Variants in CETN3 observed in about 807,000 individuals in gnomAD.
CETN3 encodes the protein centrin 3, also known as centrin-3.
In CETN3, 17 loss-of-function variants were observed where a neutral mutation model predicts 20.1. The observed-to-expected ratio is 0.85, with a 90% confidence interval of 0.58 to 1.27. The LOEUF (loss-of-function observed/expected upper bound fraction) is 1.27, where lower values mean the gene tolerates loss of function less well. CETN3 is among the 50% of genes most tolerant of loss of function. The probability of loss-of-function intolerance (pLI) is 0.00; values close to 1 mark genes in which losing one functional copy is unlikely to be tolerated. For missense variants in CETN3, 169 were observed against 191.2 expected, an observed-to-expected ratio of 0.88 and a Z score of 0.69; for synonymous variants, 52 against 59.7, an observed-to-expected ratio of 0.87 and a Z score of 0.59.
Position 90,393,793 on chromosome 5 carries a change from TAAAAAACCTTC to T in CETN3, c.*260_*270del, listed in dbSNP as rs1749073006. On this transcript the variant is annotated 3_prime_UTR_variant, in exon 5 of 5. Coordinates refer to ENST00000283122, the MANE Select transcript of CETN3 (RefSeq NM_004365.4). ...TAAAAAGTGACTATAAATGTTAAATTAAAAAACCTTCAAAGAACACATATCACACATTCAAT... is the reference window on the plus strand; with the variant it reads ...TAAAAAGTGACTATAAATGTTAAATTAAAGAACACATATCACACATTCAAT... The T allele has an allele frequency of 4.2e-6, 1 of 235,594 alleles. No individual in the cohort carries two copies. The highest frequency in any genetic ancestry group is 1.7e-4 in the South Asian group (1 of 6,044). 14.6% of individuals were successfully genotyped at this position (235,594 alleles called of 1,614,324 possible). A position where few individuals can be genotyped will look rare whatever the true frequency, so the allele number is the denominator to read the frequency against.
chr5:90,396,374 T>C, intron 4 of CETN3: 1 of 1,392,664 alleles, frequency 7.2e-7, no homozygotes, highest in Non-Finnish European at 9.3e-7. Context: ...GTAGTGATCT[T>C]TAACCTTTGC....
At chr5:90,408,180 A>C (rs529736583) in intron 1 of CETN3, among the ~76,000 whole-genome samples, 1 of 152,314 alleles carries the variant, frequency 6.6e-6, no homozygotes, top group African/African-American at 2.4e-5. Context: ...CCAACCAAAA[A>C]AACAAAAACA....
chr5:90,408,420 C>T (rs895980597), intron 1 of CETN3, among the ~76,000 whole-genome samples: 1 of 152,080 alleles, frequency 6.6e-6, no homozygotes, highest in Non-Finnish European at 1.5e-5. Context: ...TCATTTCCTC[C>T]ATTGATATTA....
chr5:90,397,875 T>C (rs1749171502), intron 4 of CETN3, among the ~76,000 whole-genome samples: 1 of 152,258 alleles, frequency 6.6e-6, no homozygotes, highest in East Asian at 1.9e-4. Context: ...TAATACTATA[T>C]CTACTTTACA....
At chr5:90,399,573 T>C in intron 3 of CETN3, 24 bp from the exon 4 acceptor site, 1 of 1,562,626 alleles carries the variant, frequency 6.4e-7, no homozygotes, top group Non-Finnish European at 8.8e-7. Flanking sequence ...ACATATATAT[T>C]TTAATAAACC....
At chr5:90,396,174 G>A (rs1171268855) in intron 4 of CETN3, 1 of 985,122 alleles carries the variant, frequency 1.0e-6, no homozygotes, top group Non-Finnish European at 1.2e-6. Flanking sequence ...TACAGTCAAA[G>A]AAAGAATAGT....
In CETN3 at chr5:90,409,695, C is replaced by A; in HGVS notation, c.-34G>T. The A allele has an allele frequency of 6.2e-7, 1 of 1,614,038 alleles. No individual in the cohort carries two copies. Among genetic ancestry groups the A allele is most frequent in the Non-Finnish European group, 8.5e-7 (1 of 1,179,960 alleles). ...CGCACAGAGACGTTCCTCTCAAGAA[C>A]GATTTTAACCCCCTACCCAAGGCAG... is the stretch of plus-strand genomic sequence containing the variant. On this transcript the variant is annotated 5_prime_UTR_variant, in exon 1 of 5. Coordinates refer to ENST00000283122, the MANE Select transcript of CETN3 (RefSeq NM_004365.4).
In CETN3 at chr5:90,393,433, T is replaced by A. The variant is rs1402936526; in HGVS notation, c.*631A>T. 6.6e-6 allele frequency: 1 copy of A among 152,126 alleles called. No homozygotes were observed. Among genetic ancestry groups the A allele is most frequent in the Non-Finnish European group, 1.5e-5 (1 of 67,996 alleles). The allele number at this position is 152,126 out of a possible 1,614,324, so 9.4% of individuals were successfully genotyped here. ...AATGATACCAAGTTAAGAAACATAA[T>A]ACACAAGGATAAATGGGTCTATCTG... On this transcript the variant is annotated 3_prime_UTR_variant, in exon 5 of 5. Transcript: ENST00000283122.
At chr5:90,405,914 T>C (rs999255173) in intron 2 of CETN3, 115 bp from the exon 3 acceptor site, 1 of 676,806 alleles carries the variant, frequency 1.5e-6, no homozygotes, top group African/African-American at 1.9e-5. Flanking sequence ...ATAACTTTTT[T>C]GCATGTTTTA....
intron 2 of CETN3, among the ~76,000 whole-genome samples, 160 bp downstream of exon 2, chr5:90,407,539 C>A (rs1280368128): frequency 6.6e-6 from 1 of 152,078 alleles, no homozygotes; most frequent in Middle Eastern, 3.2e-3. Context: ...TAGGAGTTCT[C>A]TTCAGTTTTA....
intron 1 of CETN3, 60 bp downstream of exon 1, chr5:90,409,585 A>T (rs1047790524): frequency 1.2e-5 from 20 of 1,603,812 alleles, no homozygotes; most frequent in Non-Finnish European, 1.5e-5. Context: ...CCTTCCACAC[A>T]CACCCTCCCT....
chr5:90,396,281 C>T, intron 4 of CETN3: 1 of 985,076 alleles, frequency 1.0e-6, no homozygotes, highest in South Asian at 4.7e-5. Flanking sequence ...TTAACATCTA[C>T]AAAACACTAT....
chr5:90,392,995 T>C lies in CETN3; in HGVS notation c.*1069A>G, dbSNP rs1407443003. 1 of 152,178 alleles carries C rather than the reference T, an allele frequency of 6.6e-6. No homozygotes were observed. Among genetic ancestry groups the C allele is most frequent in the Non-Finnish European group, 1.5e-5 (1 of 68,022 alleles). 9.4% of individuals were successfully genotyped at this position (152,178 alleles called of 1,614,324 possible). The stretch of plus-strand genomic sequence containing the variant: ...GAATTCTAAAGAAAGATTGCTGAAA[T>C]AGACAACTCAATTCCGTTCCTGGGA... On this transcript the variant is annotated 3_prime_UTR_variant, in exon 5 of 5. Transcript: ENST00000283122.
At position 90,407,688 on chromosome 5, in the gene CETN3, T is replaced by C; in HGVS notation, c.153+11A>G. On this transcript the variant is annotated intron_variant, in intron 2 of 4. Transcript: ENST00000283122. ...TAACACAGAAACAAATATTTTAAAGTATACCATTACCTTTAATTCATGATA... is the reference window on the plus strand; with the variant it reads ...TAACACAGAAACAAATATTTTAAAGCATACCATTACCTTTAATTCATGATA... 1 of 1,450,274 alleles carries C rather than the reference T, an allele frequency of 6.9e-7. No homozygotes were observed. The highest frequency in any genetic ancestry group is 1.4e-5 in the South Asian group (1 of 69,160). 89.8% of individuals were successfully genotyped at this position (1,450,274 alleles called of 1,614,324 possible).
At chr5:90,409,149 C>G (rs1237463846) in intron 1 of CETN3, among the ~76,000 whole-genome samples, 1 of 152,154 alleles carries the variant, frequency 6.6e-6, no homozygotes, top group Non-Finnish European at 1.5e-5. Context: ...AAGAGACAGA[C>G]TGCCAATTAA....
chr5:90,394,006 C>G lies in CETN3; in HGVS notation c.*58G>C. The G allele has an allele frequency of 7.9e-7, 1 of 1,259,590 alleles. No individual in the cohort carries two copies. Among genetic ancestry groups the G allele is most frequent in the Admixed American group, 2.0e-5 (1 of 48,830 alleles). 78.0% of individuals were successfully genotyped at this position (1,259,590 alleles called of 1,614,324 possible). A position where few individuals can be genotyped will look rare whatever the true frequency, so the allele number is the denominator to read the frequency against. On this transcript the variant is annotated 3_prime_UTR_variant, in exon 5 of 5. Coordinates refer to ENST00000283122, the MANE Select transcript of CETN3 (RefSeq NM_004365.4). ...GGTTTTTTTCACATGGCTCCAGGCA[C>G]AAAAATAGAATATAAGATGGTAACT...
At chr5:90,395,531 A>G (rs1398111422) in intron 4 of CETN3, among the ~76,000 whole-genome samples, 1 of 152,094 alleles carries the variant, frequency 6.6e-6, no homozygotes, top group African/African-American at 2.4e-5. Context: ...ATTAGGTTTC[A>G]CCATGTTGCC....
At chr5:90,400,103 C>T (rs1370429393) in intron 3 of CETN3, among the ~76,000 whole-genome samples, 1 of 152,132 alleles carries the variant, frequency 6.6e-6, no homozygotes, top group African/African-American at 2.4e-5. Context: ...TTGAAAATTC[C>T]ACTAATACCT....
At chr5:90,402,917 C>A (rs1203711836) in intron 3 of CETN3, among the ~76,000 whole-genome samples, 1 of 152,058 alleles carries the variant, frequency 6.6e-6, no homozygotes, top group Non-Finnish European at 1.5e-5. Context: ...TACCTAATAC[C>A]AAAAAATTCA....
Sources: allele counts gnomAD v4.1 joint callset (sites outside exome capture counted in the v4.1 genomes callset), GRCh38; gene constraint gnomAD v4.1.1; transcripts MANE v1.5; gene names NCBI Gene and HGNC (gene_info 2026-07-23, HGNC 2026-07-21).